The following NCKAP5 variants were observed in gnomAD, a reference collection of about 807,000 sequenced individuals.
The protein encoded by NCKAP5 is NCK associated protein 5, also known as nck-associated protein 5.
A neutral mutation model predicts 167.0 loss-of-function variants in NCKAP5; 92 were observed. The observed-to-expected ratio is 0.55, with a 90% CI of 0.47 to 0.66. The LOEUF (loss-of-function observed/expected upper bound fraction) is 0.66. Ranked by LOEUF, NCKAP5 falls within the 30% of genes least tolerant of loss-of-function variation. NCKAP5 has a pLI of 0.00. For missense variants in NCKAP5, 2,378 were observed against 2,315.0 expected, an observed-to-expected ratio of 1.03 and a Z score of -0.56; for synonymous variants, 891 against 877.4, an observed-to-expected ratio of 1.02 and a Z score of -0.27.
chr2:132,920,919 A>G (rs1695377187), intron 8 of NCKAP5, among the ~76,000 whole-genome samples: 1 of 148,530 alleles, frequency 6.7e-6, no homozygotes, highest in South Asian at 2.2e-4. Context: ...TTAAACTGAC[A>G]ATTCTACTTG....
At position 133,276,941 on chromosome 2, in the gene NCKAP5, A is replaced by G. The variant is rs114203993; in HGVS notation, c.143+26096T>C. On this transcript the variant is annotated intron_variant, in intron 4 of 19. Coordinates refer to ENST00000409261, the MANE Select transcript of NCKAP5 (RefSeq NM_207363.3). ...AAATCTAAAGGAAAAAAATTACAAG[A>G]TTCTCTACACAAGTGTTTAAATAAT... 2.3e-3 allele frequency among the ~76,000 whole-genome samples: 353 copies of G among 152,254 alleles called. 4 individuals carry two copies. Among genetic ancestry groups the G allele is most frequent in the African/African-American group, 8.0e-3 (332 of 41,552 alleles).
chr2:132,784,655 C>T lies in NCKAP5; in HGVS notation c.2156G>A (p.Cys719Tyr), dbSNP rs752657600. The change falls in exon 14 of 20, where the codon TGT becomes TAT. Residue 719 changes from cysteine (C) to tyrosine (Y), a missense_variant. Physicochemically the swap from Cys to Tyr is radical, Grantham distance 194. Around this residue, in one of 3 missense-constraint regions of NCKAP5, gnomAD observed 1,049 missense variants for 1,023.4 expected, o/e 1.02. Coordinates refer to ENST00000409261, the MANE Select transcript of NCKAP5 (RefSeq NM_207363.3). ...TCTTGCAGCAGCTCTTGGCTGTAAA[C>T]AAGCAATTCCCTGAGGTAAAAGCTC... is the stretch of plus-strand genomic sequence containing the variant. The part of the protein sequence containing the change: ...HTELLPQGIA[C>Y]LQPRAAARDY... The T allele has an allele frequency of 6.2e-7, 1 of 1,613,884 alleles. No individual in the cohort carries two copies. Among genetic ancestry groups the T allele is most frequent in the Admixed American group, 1.7e-5 (1 of 60,016 alleles).
chr2:133,030,452 G>A (rs2078843603), intron 6 of NCKAP5, among the ~76,000 whole-genome samples: 1 of 152,170 alleles, frequency 6.6e-6, no homozygotes, highest in Non-Finnish European at 1.5e-5. Context: ...AGAAGAAGGT[G>A]TAAATCCGAA....
chr2:133,019,192 G>A (rs1369198441), intron 6 of NCKAP5, among the ~76,000 whole-genome samples: 3 of 152,204 alleles, frequency 2.0e-5, no homozygotes, highest in Non-Finnish European at 4.4e-5. Context: ...GGCAATTACA[G>A]AAAACTACAT....
At chr2:132,878,721 T>C in intron 9 of NCKAP5, 127 bp downstream of exon 9, 1 of 744,366 alleles carries the variant, frequency 1.3e-6, no homozygotes, top group Non-Finnish European at 2.4e-6. Flanking sequence ...ACATGTTTAC[T>C]ACATTTCTTT....
At chr2:132,703,226 C>T (rs1396297685) in intron 19 of NCKAP5, among the ~76,000 whole-genome samples, 1 of 152,018 alleles carries the variant, frequency 6.6e-6, no homozygotes, top group Non-Finnish European at 1.5e-5. Context: ...TACTAGATGT[C>T]CAACAAAGTT....
the NCKAP5 span, among the ~76,000 whole-genome samples, chr2:133,644,877 A>C: frequency 2.6e-5 from 4 of 152,222 alleles, no homozygotes; most frequent in Non-Finnish European, 5.9e-5. Flanking sequence ...AGAACACTGC[A>C]CAATGTAACA....
At chr2:133,009,767 A>T (rs1414061627) in intron 6 of NCKAP5, among the ~76,000 whole-genome samples, 3 of 152,150 alleles carry the variant, frequency 2.0e-5, no homozygotes, top group Non-Finnish European at 2.9e-5. Context: ...AAGAGAGTTG[A>T]GCATCAACAG....
intron 3 of NCKAP5, among the ~76,000 whole-genome samples, chr2:133,420,472 A>C (rs2151089824): frequency 6.6e-6 from 1 of 152,358 alleles, no homozygotes; most frequent in Admixed American, 6.5e-5. Flanking sequence ...CATGAGAAAT[A>C]ACTGATACTG....
At chr2:133,187,977 A>T (rs1339096246) in intron 5 of NCKAP5, among the ~76,000 whole-genome samples, 2 of 152,020 alleles carry the variant, frequency 1.3e-5, no homozygotes, top group African/African-American at 2.4e-5. Context: ...ATTTACATTT[A>T]AGGTTAATAT....
intron 6 of NCKAP5, among the ~76,000 whole-genome samples, chr2:133,004,785 C>T (rs2077903028): frequency 6.6e-6 from 1 of 152,170 alleles, no homozygotes; most frequent in Non-Finnish European, 1.5e-5. Context: ...CCTGAGGGCA[C>T]TGCAGGAGAC....
In NCKAP5 at chr2:132,781,247, TTCCTCTGATAAGTTACCTTGC is replaced by T. The variant is rs1183086929; in HGVS notation, c.4872-39_4872-19del. On this transcript the variant is annotated intron_variant, in intron 14 of 19. Transcript: ENST00000409261. ...TATCAACTCTGCAGGTAGAAAGTGA[TTCCTCTGATAAGTTACCTTGC>T]TCCTTCTTCAATCACTCTCCTTTTC... is the stretch of plus-strand genomic sequence containing the variant. 3.1e-6 allele frequency: 5 copies of T among 1,608,374 alleles called. No homozygotes were observed. The Admixed American group carries it at 6.8e-5, about 22-fold the overall frequency.
chr2:132,952,030 G>A (rs11898278), intron 8 of NCKAP5, among the ~76,000 whole-genome samples: 2,908 of 152,194 alleles, frequency 0.019, 91 homozygotes, highest in African/African-American at 0.066. Flanking sequence ...GGATTAAAAT[G>A]CTTAATTGGC....
intron 11 of NCKAP5, among the ~76,000 whole-genome samples, chr2:132,819,012 G>A (rs1174137600): frequency 6.6e-6 from 1 of 152,072 alleles, no homozygotes; most frequent in Non-Finnish European, 1.5e-5. Context: ...GTATTTCAAT[G>A]TAATTGCCTT....
the NCKAP5 span, among the ~76,000 whole-genome samples, chr2:133,649,055 A>T: frequency 6.6e-6 from 1 of 151,954 alleles, no homozygotes; most frequent in East Asian, 1.9e-4. Flanking sequence ...GAAAGAAGAG[A>T]CATTGCAACT....
intron 7 of NCKAP5, among the ~76,000 whole-genome samples, chr2:132,978,760 C>T (rs1040685708): frequency 1.3e-5 from 2 of 152,312 alleles, no homozygotes; most frequent in Admixed American, 1.3e-4. Context: ...ATTATCCAAC[C>T]TCTCTGAAGC....
chr2:133,322,732 G>A (rs1682147844), intron 3 of NCKAP5, among the ~76,000 whole-genome samples: 1 of 152,178 alleles, frequency 6.6e-6, no homozygotes, highest in African/African-American at 2.4e-5. Context: ...TGTGGACCTT[G>A]AGTACTTTGG....
chr2:132,923,632 C>T (rs576243178), intron 8 of NCKAP5, among the ~76,000 whole-genome samples: 1 of 151,852 alleles, frequency 6.6e-6, no homozygotes, highest in South Asian at 2.1e-4. Flanking sequence ...ATAAAAGAAA[C>T]TAAACTAAAA....
chr2:133,379,600 C>T (rs1686379612), intron 3 of NCKAP5, among the ~76,000 whole-genome samples: 1 of 152,172 alleles, frequency 6.6e-6, no homozygotes, highest in Non-Finnish European at 1.5e-5. Context: ...TCCATGTGGA[C>T]AGGAACCATG....
Sources: allele counts gnomAD v4.1 joint callset (sites outside exome capture counted in the v4.1 genomes callset), GRCh38; gene constraint gnomAD v4.1.1; regional missense constraint gnomAD v4.1.1; transcripts MANE v1.5; gene names NCBI Gene and HGNC (gene_info 2026-07-23, HGNC 2026-07-21).